The following RBBP7 variants were observed in gnomAD, a reference collection of about 807,000 sequenced individuals.
RBBP7 encodes the protein RB binding protein 7, chromatin remodeling factor.
A neutral mutation model predicts 35.2 loss-of-function variants in RBBP7; 5 were observed. The ratio of observed to expected loss-of-function variants is 0.14; its 90% confidence interval spans 0.07 to 0.30. The LOEUF (loss-of-function observed/expected upper bound fraction) is 0.30. Among genes scored for constraint, RBBP7 ranks in the 10% least tolerant of loss-of-function variants. The pLI, the probability that RBBP7 is intolerant of heterozygous loss-of-function variation, is 1.00. For synonymous variants in RBBP7, 140 were observed against 118.7 expected (o/e 1.18, Z -1.17); for missense variants, 155 against 327.5 (o/e 0.47, Z 4.07).
chrX:16,860,692 A>T (rs1930453179), intron 3 of RBBP7, among the ~76,000 whole-genome samples: 1 of 109,442 alleles, frequency 9.1e-6, no homozygotes, highest in Non-Finnish European at 1.9e-5. Context: ...AAAGAAAAAA[A>T]AAAAGAAAAA....
At chrX:16,849,206 T>C in intron 10 of RBBP7, 38 bp downstream of exon 10, 1 of 1,154,851 alleles carries the variant, frequency 8.7e-7, no homozygotes, top group Admixed American at 2.3e-5. Context: ...CAATCCAATC[T>C]GCATATGACA....
chrX:16,868,452 C>G (rs768125667), intron 2 of RBBP7, among the ~76,000 whole-genome samples: 1 of 112,132 alleles, frequency 8.9e-6, no homozygotes, highest in Non-Finnish European at 1.9e-5. Context: ...CAACAAACAA[C>G]AGGACGTAGA....
chrX:16,863,167 C>G (rs1412238724), intron 2 of RBBP7, 67 bp from the exon 3 acceptor site: 1 of 1,023,299 alleles, frequency 9.8e-7, no homozygotes, highest in African/African-American at 1.9e-5. Flanking sequence ...CAAATTCAGT[C>G]TAGTTCCCTC....
At chrX:16,850,603 C>T (rs1930188269) in intron 9 of RBBP7, among the ~76,000 whole-genome samples, 1 of 112,800 alleles carries the variant, frequency 8.9e-6, no homozygotes, top group African/African-American at 3.2e-5. Context: ...TTTATCACGG[C>T]AAGAGTTTGC....
chrX:16,855,184 G>C (rs1310533820), intron 5 of RBBP7, among the ~76,000 whole-genome samples: 1 of 110,066 alleles, frequency 9.1e-6, no homozygotes, highest in East Asian at 2.9e-4. Context: ...CGAGTAGATG[G>C]GATTACAGGT....
rs1465906182 is a variant in RBBP7 at position 16,870,354 on chromosome X, G to A, written c.-301C>T. Reference sequence around the variant, plus strand: ...AGCTGAGCGCAGGCGCATCCGCCCTGGGAAAAGTGAGAGGAGGCGGAGAGG... The same window carrying A: ...AGCTGAGCGCAGGCGCATCCGCCCTAGGAAAAGTGAGAGGAGGCGGAGAGG... On this transcript the variant is annotated 5_prime_UTR_variant, in exon 1 of 12. Transcript: ENST00000380087. 1.3e-5 allele frequency: 2 copies of A among 156,639 alleles called. No homozygotes were observed. Among genetic ancestry groups the A allele is most frequent in the African/African-American group, 3.1e-5 (1 of 32,392 alleles). The allele number at this position is 156,639 out of a possible 1,213,427, so 12.9% of individuals were successfully genotyped here.
At chrX:16,854,702 GCGCCCACAGA>G (rs1226695534) in intron 5 of RBBP7, among the ~76,000 whole-genome samples, 2 of 109,222 alleles carry the variant, frequency 1.8e-5, no homozygotes, top group African/African-American at 3.3e-5. Flanking sequence ...TCAAGGCCTG[GCGCCCACAGA>G]CAGATCCCCA....
chrX:16,860,674 G>GA (rs1260853212), intron 3 of RBBP7, among the ~76,000 whole-genome samples: 38 of 53,631 alleles, frequency 7.1e-4, no homozygotes, highest in East Asian at 2.9e-3. Context: ...ACTTCGTCTC[G>GA]AAAAAAAAAA....
At chrX:16,867,007 T>C (rs1260982284) in intron 2 of RBBP7, among the ~76,000 whole-genome samples, 2 of 112,098 alleles carry the variant, frequency 1.8e-5, no homozygotes, top group Non-Finnish European at 3.8e-5. Flanking sequence ...ATATTATAGG[T>C]AACATTTTTT....
chrX:16,868,109 T>A (rs1416763985), intron 2 of RBBP7, among the ~76,000 whole-genome samples: 1 of 112,066 alleles, frequency 8.9e-6, no homozygotes, highest in African/African-American at 3.3e-5. Context: ...TTTGTTTCTT[T>A]GAGAGACACG....
intron 5 of RBBP7, 60 bp downstream of exon 5, chrX:16,857,534 C>G (rs1241377830): frequency 2.5e-6 from 3 of 1,197,477 alleles, no homozygotes; most frequent in Non-Finnish European, 3.4e-6. Flanking sequence ...ACTCCTTCAG[C>G]ACAGCTGTGA....
Position 16,853,833 on chromosome X carries a change from G to A in RBBP7, c.607C>T (p.Leu203=). ...TTTGGTCCTGCGTTTATATCCCACA[G>A]ACAAACAGTCTAAGAGAGAAGGAGA... ...LSASDDHTVC[L]WDINAGPKEG... Residue 203 remains leucine (L), a synonymous_variant, in exon 6 of 12, where the codon CTG becomes TTG. Transcript: ENST00000380087. The A allele has an allele frequency of 1.8e-6, 2 of 1,132,991 alleles. No individual in the cohort carries two copies. The highest frequency in any genetic ancestry group is 2.3e-6 in the Non-Finnish European group (2 of 858,337). The allele number at this position is 1,132,991 out of a possible 1,213,427, so 93.4% of individuals were successfully genotyped here. A position where few individuals can be genotyped will look rare whatever the true frequency, so the allele number is the denominator to read the frequency against.
chrX:16,860,697 G>GAAAAAAAAAAAA (rs1317345639), intron 3 of RBBP7, among the ~76,000 whole-genome samples: 1 of 97,631 alleles, frequency 1.0e-5, no homozygotes. Context: ...AAAAAAAAAA[G>GAAAAAAAAAAAA]AAAAAAAAAA....
intron 4 of RBBP7, among the ~76,000 whole-genome samples, chrX:16,858,197 A>G (rs1439620165): frequency 8.9e-6 from 1 of 111,751 alleles, no homozygotes; most frequent in Non-Finnish European, 1.9e-5. Context: ...TTCACAATGT[A>G]TTTGGCTTCA....
Position 16,870,219 on chromosome X carries a change from T to G in RBBP7, c.-166A>C. On this transcript the variant is annotated 5_prime_UTR_variant, in exon 1 of 12. Transcript: ENST00000380087. ...GGGTGCTCCCCAGACGCCGCGTCCT[T>G]CTTTCCTGCCTCCTCCCCGCTCGCG... 2 of 672,041 alleles carry G rather than the reference T, an allele frequency of 3.0e-6. No homozygotes were observed. Among genetic ancestry groups the G allele is most frequent in the South Asian group, 1.3e-4 (2 of 15,975 alleles). The allele number at this position is 672,041 out of a possible 1,213,427, so 55.4% of individuals were successfully genotyped here. A position where few individuals can be genotyped will look rare whatever the true frequency, so the allele number is the denominator to read the frequency against.
intron 11 of RBBP7, 63 bp downstream of exon 11, chrX:16,845,765 A>G (rs1930060202): frequency 2.6e-6 from 3 of 1,151,162 alleles, no homozygotes; most frequent in African/African-American, 1.8e-5. Context: ...ACTTTATTAC[A>G]TTATGTAAGT....
At chrX:16,868,578 A>C (rs893199817) in intron 2 of RBBP7, among the ~76,000 whole-genome samples, 2 of 112,619 alleles carry the variant, frequency 1.8e-5, no homozygotes, top group African/African-American at 6.5e-5. Flanking sequence ...CAGCAATCTC[A>C]AAGTGTATTC....
chrX:16,862,811 C>T (rs1930506978), intron 3 of RBBP7, 144 bp downstream of exon 3: 4 of 606,295 alleles, frequency 6.6e-6, no homozygotes, highest in African/African-American at 2.3e-5. Context: ...AATCCTTGTG[C>T]ACATGTGGGT....
At chrX:16,865,771 A>T (rs767526563) in intron 2 of RBBP7, among the ~76,000 whole-genome samples, 1 of 112,608 alleles carries the variant, frequency 8.9e-6, no homozygotes, top group South Asian at 3.6e-4. Context: ...TATTCTCAGC[A>T]GTATTGTTTA....
Sources: gnomAD v4.1 joint callset for allele counts (sites outside exome capture counted in the v4.1 genomes callset) on GRCh38, gnomAD v4.1.1 for gene constraint, MANE v1.5 for transcripts, NCBI Gene and HGNC (gene_info 2026-07-23, HGNC 2026-07-21) for gene names.